PDSS2: variants seen among roughly 807,000 people sequenced by gnomAD.
PDSS2 encodes the protein all trans-polyprenyl-diphosphate synthase PDSS2.
In PDSS2, 31 loss-of-function variants were observed where a neutral mutation model predicts 44.5. The observed-to-expected ratio is 0.70, with a 90% confidence interval of 0.52 to 0.94. PDSS2 has a LOEUF of 0.94. Among genes scored for constraint, PDSS2 ranks in the 40% least tolerant of loss-of-function variants. PDSS2 has a pLI of 0.00. For missense variants in PDSS2, 452 were observed against 482.2 expected (o/e 0.94, Z 0.59); for synonymous variants, 157 against 180.3 (o/e 0.87, Z 1.03).
intron 2 of PDSS2, among the ~76,000 whole-genome samples, chr6:107,310,740 T>A (rs1464248160): frequency 6.6e-6 from 1 of 152,160 alleles, no homozygotes; most frequent in African/African-American, 2.4e-5. Context: ...GACTGTCAGG[T>A]CCATGTGCTC....
intron 1 of PDSS2, among the ~76,000 whole-genome samples, chr6:107,414,086 A>G (rs1780588048): frequency 6.6e-6 from 1 of 152,264 alleles, no homozygotes; most frequent in African/African-American, 2.4e-5. Flanking sequence ...TAAATACATT[A>G]GGTTTAGTGA....
chr6:107,292,149 T>C (rs551618505), intron 2 of PDSS2, among the ~76,000 whole-genome samples: 24 of 151,340 alleles, frequency 1.6e-4, no homozygotes, highest in African/African-American at 5.8e-4. Flanking sequence ...GAATCTTGCA[T>C]GCCATGAAAA....
chr6:107,265,364 G>T (rs1328214847), intron 3 of PDSS2, among the ~76,000 whole-genome samples: 1 of 152,044 alleles, frequency 6.6e-6, no homozygotes, highest in African/African-American at 2.4e-5. Context: ...AGTAGCACAA[G>T]AAAATGAGAA....
intron 1 of PDSS2, among the ~76,000 whole-genome samples, chr6:107,448,785 T>A (rs1781770485): frequency 6.6e-6 from 1 of 152,210 alleles, no homozygotes; most frequent in Non-Finnish European, 1.5e-5. Context: ...GGGTAACTTA[T>A]AAAGAAAAGA....
Position 107,307,430 on chromosome 6 carries a change from G to A in PDSS2, c.431+26768C>T, listed in dbSNP as rs1020936942. On this transcript the variant is annotated intron_variant, in intron 2 of 7. Transcript: ENST00000369037. ...ATTCAAACTACTTGATTGAAACTAC[G>A]CATTCAAATCAGAGTACGCATTCAA... is the stretch of plus-strand genomic sequence containing the variant. Among the ~76,000 whole-genome samples the A allele has an allele frequency of 4.6e-5, 7 of 151,928 alleles. No homozygotes were observed. In the South Asian group the frequency reaches 1.0e-3, roughly 23 times the overall value.
intron 4 of PDSS2, among the ~76,000 whole-genome samples, chr6:107,235,625 CAAAAT>C (rs1476932950): frequency 6.6e-6 from 1 of 151,908 alleles, no homozygotes; most frequent in African/African-American, 2.4e-5. Context: ...TAGCATCCAA[CAAAAT>C]AAATTTCACA....
At chr6:107,299,146 C>CAAAAA (rs71991148) in intron 2 of PDSS2, among the ~76,000 whole-genome samples, 66 of 53,346 alleles carry the variant, frequency 1.2e-3, no homozygotes, top group East Asian at 2.8e-3. Context: ...GACCCTGTCT[C>CAAAAA]AAAAAAAAAA....
chr6:107,413,989 T>TG (rs11426644), intron 1 of PDSS2, among the ~76,000 whole-genome samples: 109,831 of 151,934 alleles, frequency 0.72, 40,138 homozygotes, highest in Middle Eastern at 0.79. Context: ...GAAAATGAAT[T>TG]CTACAAAGTT....
At chr6:107,287,531 A>AT (rs1262090347) in intron 2 of PDSS2, among the ~76,000 whole-genome samples, 2 of 151,734 alleles carry the variant, frequency 1.3e-5, no homozygotes, top group African/African-American at 2.4e-5. Context: ...TTTTCATTTT[A>AT]TTTTTTTTGA....
At chr6:107,438,477 A>T (rs1781422509) in intron 1 of PDSS2, among the ~76,000 whole-genome samples, 1 of 152,140 alleles carries the variant, frequency 6.6e-6, no homozygotes, top group South Asian at 2.1e-4. Flanking sequence ...GGCCTCCCAA[A>T]GTGCTGGGAC....
In PDSS2 at chr6:107,459,184, CGAG is replaced by C; in HGVS notation, c.99_101del (p.Ser34del). On this transcript the variant is annotated inframe_deletion, in exon 1 of 8. Coordinates refer to ENST00000369037, the MANE Select transcript of PDSS2 (RefSeq NM_020381.4). This position sits in a 1 kb window ranked among gnomAD's most constrained non-coding sequence, Gnocchi z 4.3. The stretch of plus-strand genomic sequence containing the variant: ...AGGACCGACCACGCCAAGAGCCCAC[CGAG>C]GAGATGGTGTCGAGGGACGGGGACC... 2 of 1,614,074 alleles carry C rather than the reference CGAG, an allele frequency of 1.2e-6. No individual in the cohort carries two copies. Among genetic ancestry groups the C allele is most frequent in the Non-Finnish European group, 1.7e-6 (2 of 1,179,994 alleles).
At chr6:107,192,601 A>G in intron 7 of PDSS2, 1 of 246,122 alleles carries the variant, frequency 4.1e-6, no homozygotes, top group Non-Finnish European at 8.1e-6. Flanking sequence ...CAGTGATTCA[A>G]CCAGAAGGAA....
In PDSS2 at chr6:107,266,205, T is replaced by G. The variant is rs1775406913; in HGVS notation, c.630+7824A>C. Among the ~76,000 whole-genome samples, 5 of 152,286 alleles carry G rather than the reference T, an allele frequency of 3.3e-5. No individual in the cohort carries two copies. The South Asian group carries it at 1.0e-3, about 32-fold the overall frequency. On this transcript the variant is annotated intron_variant, in intron 3 of 7. Transcript: ENST00000369037. ...GGAGATTTGCTTTATCAGAGGGAAT[T>G]CCTGACTTTCAAGAACTTTAGTAAT...
intron 2 of PDSS2, among the ~76,000 whole-genome samples, chr6:107,305,048 GC>G (rs1377133857): frequency 6.6e-6 from 1 of 152,012 alleles, no homozygotes; most frequent in Non-Finnish European, 1.5e-5. Context: ...TAGACTTTCA[GC>G]AGAGCAGAAA....
intron 1 of PDSS2, among the ~76,000 whole-genome samples, chr6:107,395,090 T>C (rs917370964): frequency 3.9e-5 from 6 of 152,168 alleles, no homozygotes; most frequent in African/African-American, 1.2e-4. Flanking sequence ...GCTTTGTTTT[T>C]CCTCTCAACA....
intron 1 of PDSS2, among the ~76,000 whole-genome samples, chr6:107,353,943 G>A (rs1172892535): frequency 6.6e-6 from 1 of 152,026 alleles, no homozygotes; most frequent in African/African-American, 2.4e-5. Context: ...CAACCAACAT[G>A]GTCTTCTTTA....
intron 1 of PDSS2, among the ~76,000 whole-genome samples, chr6:107,372,324 T>A (rs764039478): frequency 3.3e-5 from 5 of 152,168 alleles, no homozygotes; most frequent in Non-Finnish European, 5.9e-5. Flanking sequence ...ATCACAAGAC[T>A]CTGAAGTACA....
chr6:107,165,727 T>C (rs1419850356), intron 7 of PDSS2, among the ~76,000 whole-genome samples: 1 of 151,860 alleles, frequency 6.6e-6, no homozygotes, highest in African/African-American at 2.4e-5. Flanking sequence ...TTGATGGGGA[T>C]GGCATTGAAT....
At chr6:107,344,997 C>T (rs1778196158) in intron 1 of PDSS2, among the ~76,000 whole-genome samples, 1 of 151,908 alleles carries the variant, frequency 6.6e-6, no homozygotes, top group Admixed American at 6.6e-5. Context: ...CATCTAAGCC[C>T]CTTGGGTTCA....
Sources: allele counts gnomAD v4.1 joint callset (sites outside exome capture counted in the v4.1 genomes callset), GRCh38; gene constraint gnomAD v4.1.1; non-coding constraint Gnocchi (gnomAD v3.1); transcripts MANE v1.5; gene names NCBI Gene and HGNC (gene_info 2026-07-23, HGNC 2026-07-21).